Variants in OIP5 observed in about 807,000 individuals in gnomAD.
OIP5 encodes Opa interacting protein 5.
Under a neutral mutation model 20.3 loss-of-function variants are expected in OIP5, and 24 were observed. The observed-to-expected ratio is 1.18, with a 90% CI of 0.86 to 1.66. OIP5 has a LOEUF of 1.66. Among genes scored for constraint, OIP5 ranks in the 40% most tolerant of loss-of-function variants. The pLI is 0.00. For synonymous variants in OIP5, 143 were observed against 121.3 expected, an observed-to-expected ratio of 1.18 and a Z score of -1.17; for missense variants, 339 against 289.5, an observed-to-expected ratio of 1.17 and a Z score of -1.24.
chr15:41,322,408 T>G (rs915906146), intron 2 of OIP5, among the ~76,000 whole-genome samples: 43 of 151,266 alleles, frequency 2.8e-4, no homozygotes, highest in Middle Eastern at 6.3e-3. Context: ...TTTTTTTTGG[T>G]TTTTTTTTGA....
chr15:41,317,727 A>G (rs1426908448), intron 3 of OIP5, among the ~76,000 whole-genome samples: 1 of 152,068 alleles, frequency 6.6e-6, no homozygotes, highest in Non-Finnish European at 1.5e-5. Flanking sequence ...TCCCCATGCT[A>G]GAATACAGTG....
At position 41,312,065 on chromosome 15, in the gene OIP5, G is replaced by A. The variant is rs184740911; in HGVS notation, c.594+1208C>T. ...GATGGGATTTCTCCATGTTGGTCAG[G>A]CTGGTCTCAAACTCCCGACCTGAGG... On this transcript the variant is annotated intron_variant, in intron 4 of 4. Transcript: ENST00000220514. Among the ~76,000 whole-genome samples, 180 of 140,314 alleles carry A rather than the reference G, an allele frequency of 1.3e-3. 3 individuals carry two copies. The highest frequency in any genetic ancestry group is 4.4e-3 in the African/African-American group (176 of 40,400). The allele number at this position is 140,314 out of a possible 152,430, so 92.1% of individuals were successfully genotyped here. A position where few individuals can be genotyped will look rare whatever the true frequency, so the allele number is the denominator to read the frequency against.
At chr15:41,319,508 C>G (rs2047809592) in intron 3 of OIP5, 150 bp downstream of exon 3, 2 of 622,662 alleles carry the variant, frequency 3.2e-6, no homozygotes, top group Admixed American at 7.3e-5. Flanking sequence ...ACCGCCTCAG[C>G]CTCCTAAAGT....
At position 41,312,012 on chromosome 15, in the gene OIP5, G is replaced by A. The variant is rs76840724; in HGVS notation, c.594+1261C>T. On this transcript the variant is annotated intron_variant, in intron 4 of 4. Transcript: ENST00000220514. ...TGGGATTATAGGCATGCGCCAACAC[G>A]CCCGGCTAATTTTGTATTTTTAGTA... Among the ~76,000 whole-genome samples, 848 of 142,322 alleles carry A rather than the reference G, an allele frequency of 6.0e-3. 88 individuals are homozygous for A. Among genetic ancestry groups the A allele is most frequent in the East Asian group, 0.052 (268 of 5,142 alleles). 93.4% of individuals were successfully genotyped at this position (142,322 alleles called of 152,430 possible).
chr15:41,311,903 C>T (rs1216078797), intron 4 of OIP5, among the ~76,000 whole-genome samples: 3 of 140,190 alleles, frequency 2.1e-5, no homozygotes, highest in Non-Finnish European at 3.2e-5. Context: ...CACAGAGTTT[C>T]GCTCTCAATG....
intron 2 of OIP5, among the ~76,000 whole-genome samples, 154 bp downstream of exon 2, chr15:41,331,761 C>T (rs942279647): frequency 6.6e-6 from 1 of 152,114 alleles, no homozygotes; most frequent in Non-Finnish European, 1.5e-5. Flanking sequence ...TACACAAATA[C>T]AACTTTTTCA....
At chr15:41,324,463 T>C (rs1001574776) in intron 2 of OIP5, among the ~76,000 whole-genome samples, 2 of 152,136 alleles carry the variant, frequency 1.3e-5, no homozygotes, top group African/African-American at 4.8e-5. Context: ...AGCTTATCAC[T>C]GGAATAGCAC....
At chr15:41,332,171 C>T (rs2047931784) in intron 1 of OIP5, 69 bp downstream of exon 1, 1 of 1,475,810 alleles carries the variant, frequency 6.8e-7, no homozygotes, top group Admixed American at 2.0e-5. Context: ...TCTCCGCCAC[C>T]CGGTGGAGAA....
intron 2 of OIP5, among the ~76,000 whole-genome samples, chr15:41,327,515 C>T (rs2047869475): frequency 6.6e-6 from 1 of 150,964 alleles, no homozygotes; most frequent in Admixed American, 6.6e-5. Context: ...AGAGGCTGGG[C>T]GCAGTGGCTC....
intron 2 of OIP5, among the ~76,000 whole-genome samples, chr15:41,326,185 C>T (rs1310336708): frequency 6.6e-6 from 1 of 152,080 alleles, no homozygotes; most frequent in Non-Finnish European, 1.5e-5. Context: ...AACAAAAAAG[C>T]AGTATCTGCA....
intron 4 of OIP5, among the ~76,000 whole-genome samples, chr15:41,312,164 CTTTTTTT>C (rs1180916308): frequency 2.3e-5 from 2 of 88,126 alleles, no homozygotes; most frequent in African/African-American, 3.2e-5. Context: ...TTCTTTTTTT[CTTTTTTT>C]TTTTTTTGAG....
intron 2 of OIP5, among the ~76,000 whole-genome samples, chr15:41,329,282 A>C (rs1390523091): frequency 1.3e-5 from 2 of 151,324 alleles, no homozygotes; most frequent in Non-Finnish European, 2.9e-5. Flanking sequence ...CTTACTCCAC[A>C]AATACAGAAA....
Position 41,319,723 on chromosome 15 carries a change from A to G in OIP5, c.447T>C (p.Tyr149=). Residue 149 remains tyrosine, a synonymous_variant, in exon 3 of 5, where the codon TAT becomes TAC. Coordinates refer to ENST00000220514, the MANE Select transcript of OIP5 (RefSeq NM_007280.2). ...SCGIPVGFHL[Y]STHAALAALR... is the part of the protein sequence containing the mutation. ...AGGCAGCCAGGGCAGCATGGGTAGAATACAGATGGAAACCAACGGGAATCC... is the reference window on the plus strand; with the variant it reads ...AGGCAGCCAGGGCAGCATGGGTAGAGTACAGATGGAAACCAACGGGAATCC... The G allele has an allele frequency of 1.4e-5, 23 of 1,613,934 alleles. No homozygotes were observed. Among genetic ancestry groups the G allele is most frequent in the Non-Finnish European group, 1.9e-5 (23 of 1,179,846 alleles).
chr15:41,319,888 AC>A, intron 2 of OIP5, 108 bp from the exon 3 acceptor site: 1 of 839,094 alleles, frequency 1.2e-6, no homozygotes, highest in South Asian at 2.0e-5. Context: ...GGTGAAAATT[AC>A]ATTGTAATAG....
chr15:41,325,881 G>T (rs558496577), intron 2 of OIP5, among the ~76,000 whole-genome samples: 49 of 151,910 alleles, frequency 3.2e-4, no homozygotes, highest in African/African-American at 1.1e-3. Context: ...CATTACCTGG[G>T]CTGGGCATAG....
intron 2 of OIP5, 110 bp downstream of exon 2, chr15:41,331,805 A>G: frequency 1.1e-6 from 1 of 872,042 alleles, no homozygotes; most frequent in Non-Finnish European, 1.9e-6. Flanking sequence ...ATAAGAGTCA[A>G]ACAGGTAAAA....
chr15:41,329,614 T>A (rs2047884659), intron 2 of OIP5, among the ~76,000 whole-genome samples: 1 of 151,970 alleles, frequency 6.6e-6, no homozygotes, highest in African/African-American at 2.4e-5. Flanking sequence ...GCACCTGGCC[T>A]TCCTCCAGTT....
At position 41,321,928 on chromosome 15, in the gene OIP5, T is replaced by A. The variant is rs28499079; in HGVS notation, c.390-2148A>T. On this transcript the variant is annotated intron_variant, in intron 2 of 4. Coordinates refer to ENST00000220514, the MANE Select transcript of OIP5 (RefSeq NM_007280.2). The stretch of plus-strand genomic sequence containing the variant: ...CACCCAAGAATGATCAATAAAAAAA[T>A]AAATAAATAAATAAATAAATAAAAA... Among the ~76,000 whole-genome samples, 66 of 60,724 alleles carry A rather than the reference T, an allele frequency of 1.1e-3. 1 individual carries two copies. The highest frequency in any genetic ancestry group is 4.1e-3 in the East Asian group (14 of 3,416). 39.8% of individuals were successfully genotyped at this position (60,724 alleles called of 152,430 possible). A position where few individuals can be genotyped will look rare whatever the true frequency, so the allele number is the denominator to read the frequency against.
At chr15:41,313,956 G>A (rs2047774501) in intron 3 of OIP5, among the ~76,000 whole-genome samples, 2 of 152,110 alleles carry the variant, frequency 1.3e-5, no homozygotes, top group African/African-American at 2.4e-5. Flanking sequence ...TTATCTCAGG[G>A]TAAATTAAAG....
Sources: gnomAD v4.1 joint callset for allele counts (sites outside exome capture counted in the v4.1 genomes callset) on GRCh38, gnomAD v4.1.1 for gene constraint, MANE v1.5 for transcripts, NCBI Gene and HGNC (gene_info 2026-07-23, HGNC 2026-07-21) for gene names.